The following MECOM variants were observed in gnomAD, a reference collection of about 807,000 sequenced individuals.
MECOM encodes MDS1 and EVI1 complex locus.
MECOM carries 13 observed loss-of-function variants against 116.3 expected under a neutral mutation model. The ratio of observed to expected loss-of-function variants is 0.11; its 90% CI spans 0.07 to 0.18. MECOM has a LOEUF of 0.18. MECOM is among the 10% of genes least tolerant of loss of function. The pLI, the probability that MECOM is intolerant of heterozygous loss-of-function variation, is 1.00. For synonymous variants in MECOM, 528 were observed against 535.2 expected (o/e 0.99, Z 0.19); for missense variants, 1,299 against 1,509.0 (o/e 0.86, Z 2.31).
At chr3:169,563,726 A>T (rs1314340931) in intron 1 of MECOM, among the ~76,000 whole-genome samples, 2 of 152,196 alleles carry the variant, frequency 1.3e-5, no homozygotes, top group Non-Finnish European at 2.9e-5. Flanking sequence ...AGGCATAGCG[A>T]TTCACACATT....
At chr3:169,656,723 C>G (rs1340663435) in intron 1 of MECOM, among the ~76,000 whole-genome samples, 1 of 152,164 alleles carries the variant, frequency 6.6e-6, no homozygotes, top group Non-Finnish European at 1.5e-5. Flanking sequence ...ATGGGCTTTA[C>G]CGTGTGCCCT....
intron 2 of MECOM, among the ~76,000 whole-genome samples, chr3:169,188,165 A>C (rs1339354462): frequency 6.6e-6 from 1 of 152,076 alleles, no homozygotes; most frequent in Non-Finnish European, 1.5e-5. Flanking sequence ...TCAATACCTG[A>C]CAACCTTTTT....
At chr3:169,321,112 T>C (rs1720775069) in intron 2 of MECOM, among the ~76,000 whole-genome samples, 1 of 152,302 alleles carries the variant, frequency 6.6e-6, no homozygotes. Context: ...TATAATTCCA[T>C]GAACATTCAT....
Position 169,341,113 on chromosome 3 carries a change from A to T in MECOM, c.375+40074T>A, listed in dbSNP as rs573000537. The stretch of plus-strand genomic sequence containing the variant: ...ATTTTAAGCATTATGTAAACAAAGG[A>T]TTTTTCTAATACAATCTTAAAGTCC... On this transcript the variant is annotated intron_variant, in intron 2 of 16. Coordinates refer to ENST00000651503, the MANE Select transcript of MECOM (RefSeq NM_004991.4). 3.3e-5 allele frequency among the ~76,000 whole-genome samples: 5 copies of T among 152,230 alleles called. No homozygotes were observed. In the East Asian group the frequency reaches 9.7e-4, roughly 29 times the overall value.
intron 2 of MECOM, among the ~76,000 whole-genome samples, chr3:169,258,461 G>C (rs555498408): frequency 6.6e-6 from 1 of 152,126 alleles, no homozygotes; most frequent in African/African-American, 2.4e-5. Context: ...TTAAAAAGAT[G>C]AATCCATTAG....
chr3:169,486,133 ACT>A (rs139468254), intron 1 of MECOM, among the ~76,000 whole-genome samples: 6,166 of 147,888 alleles, frequency 0.042, 178 homozygotes, highest in African/African-American at 0.087. Context: ...AAAATGATAA[ACT>A]CTCTTTTTGT....
intron 1 of MECOM, among the ~76,000 whole-genome samples, chr3:169,572,795 A>G (rs1408213081): frequency 1.3e-5 from 2 of 150,662 alleles, no homozygotes; most frequent in African/African-American, 4.9e-5. Context: ...ACATGGACAC[A>G]GGGAGGGCAA....
intron 1 of MECOM, among the ~76,000 whole-genome samples, chr3:169,482,930 T>C (rs1245190985): frequency 6.6e-6 from 1 of 152,194 alleles, no homozygotes; most frequent in Non-Finnish European, 1.5e-5. Context: ...AATACATATA[T>C]TGACTTCTTG....
At chr3:169,276,812 A>G (rs1210656528) in intron 2 of MECOM, among the ~76,000 whole-genome samples, 2 of 152,260 alleles carry the variant, frequency 1.3e-5, no homozygotes, top group African/African-American at 2.4e-5. Context: ...GAGATTAACC[A>G]AACTAAATGT....
At chr3:169,355,713 T>C (rs1727159640) in intron 2 of MECOM, among the ~76,000 whole-genome samples, 1 of 151,936 alleles carries the variant, frequency 6.6e-6, no homozygotes, top group Non-Finnish European at 1.5e-5. Flanking sequence ...TTGTTCTGAC[T>C]TATAAATTCC....
intron 2 of MECOM, among the ~76,000 whole-genome samples, chr3:169,170,613 T>TGC (rs1744276968): frequency 6.6e-6 from 1 of 152,062 alleles, no homozygotes; most frequent in Non-Finnish European, 1.5e-5. Flanking sequence ...GAACTATGTT[T>TGC]TTTTTCTCTA....
intron 2 of MECOM, among the ~76,000 whole-genome samples, chr3:169,179,584 A>G (rs2149391758): frequency 6.6e-6 from 1 of 152,342 alleles, no homozygotes; most frequent in African/African-American, 2.4e-5. Context: ...ACAATTAAAC[A>G]AGAATGTAAC....
At chr3:169,247,447 T>C (rs1755732700) in intron 2 of MECOM, among the ~76,000 whole-genome samples, 1 of 152,112 alleles carries the variant, frequency 6.6e-6, no homozygotes, top group African/African-American at 2.4e-5. Context: ...CTGGGATTAC[T>C]GGCATGCGCC....
At chr3:169,588,839 T>C (rs1038472994) in intron 1 of MECOM, among the ~76,000 whole-genome samples, 2 of 152,160 alleles carry the variant, frequency 1.3e-5, no homozygotes, top group African/African-American at 4.8e-5. Flanking sequence ...TTCTTTGATA[T>C]ATATGTATGA....
chr3:169,575,272 T>C (rs1202983888), intron 1 of MECOM, among the ~76,000 whole-genome samples: 2 of 152,128 alleles, frequency 1.3e-5, no homozygotes, highest in East Asian at 3.9e-4. Flanking sequence ...AGAAAATGAT[T>C]TTTAAAAGGA....
chr3:169,100,210 TG>T (rs1428117019), intron 12 of MECOM, among the ~76,000 whole-genome samples: 1 of 150,782 alleles, frequency 6.6e-6, no homozygotes, highest in Non-Finnish European at 1.5e-5. Flanking sequence ...TGGATTCTCC[TG>T]CCTCAGTCTC....
At chr3:169,299,746 A>C (rs778888511) in intron 2 of MECOM, among the ~76,000 whole-genome samples, 1 of 152,230 alleles carries the variant, frequency 6.6e-6, no homozygotes, top group Non-Finnish European at 1.5e-5. Flanking sequence ...CTGTGTATTC[A>C]CTAGAATAGC....
intron 1 of MECOM, among the ~76,000 whole-genome samples, chr3:169,653,753 G>C (rs754253570): frequency 6.6e-6 from 1 of 152,162 alleles, no homozygotes; most frequent in Non-Finnish European, 1.5e-5. Context: ...GCATTAGTTT[G>C]ATCAAATCCT....
At chr3:169,246,765 C>T (rs1425786253) in intron 2 of MECOM, among the ~76,000 whole-genome samples, 3 of 152,092 alleles carry the variant, frequency 2.0e-5, no homozygotes, top group Non-Finnish European at 4.4e-5. Context: ...CATGATCCGC[C>T]CGCCTTGGCC....
Sources: gnomAD v4.1 joint callset for allele counts (sites outside exome capture counted in the v4.1 genomes callset) on GRCh38, gnomAD v4.1.1 for gene constraint, MANE v1.5 for transcripts, NCBI Gene and HGNC (gene_info 2026-07-23, HGNC 2026-07-21) for gene names.